SRRM2: variants seen among roughly 807,000 people sequenced by gnomAD.
SRRM2 encodes serine/arginine repetitive matrix protein 2.
SRRM2 carries 30 observed loss-of-function variants against 213.8 expected under a neutral mutation model. The ratio of observed to expected loss-of-function variants is 0.14; its 90% CI spans 0.10 to 0.19. The LOEUF is 0.19. Ranked by LOEUF, SRRM2 falls within the 10% of genes least tolerant of loss-of-function variation. SRRM2 has a pLI of 1.00. For missense variants in SRRM2, 4,904 were observed against 3,647.0 expected, an observed-to-expected ratio of 1.34 and a Z score of -8.88; for synonymous variants, 2,025 against 1,377.7, an observed-to-expected ratio of 1.47 and a Z score of -10.40.
Position 2,766,391 on chromosome 16 carries a change from C to T in SRRM2, c.5863C>T (p.Arg1955Cys), listed in dbSNP as rs975871788. Residue 1955 changes from arginine (R) to cysteine (C), a missense_variant, in exon 11 of 15, where the codon CGC (arginine) becomes TGC (cysteine). Physicochemically the swap from Arg to Cys is radical, Grantham distance 180. Coordinates refer to ENST00000301740, the MANE Select transcript of SRRM2 (RefSeq NM_016333.4). This position sits in a 1 kb window ranked among gnomAD's most constrained non-coding sequence, Gnocchi z 7.0. ...CCGTTCTAGAACTCCACCAGTGACT[C>T]GCAGAAGGTCCAGATCCAGGACTCC... ...RSRSRTPPVT[R>C]RRSRSRTPPV... 10 of 1,614,000 alleles carry T rather than the reference C, an allele frequency of 6.2e-6. No homozygotes were observed. In the Admixed American group the frequency reaches 6.7e-5, roughly 11 times the overall value.
At chr16:2,759,960 C>G in intron 9 of SRRM2, 1 of 532,952 alleles carries the variant, frequency 1.9e-6, no homozygotes, top group Non-Finnish European at 3.3e-6. Context: ...GAATCCTTAC[C>G]CTGGCTTCCT....
chr16:2,762,144 G>A lies in SRRM2; in HGVS notation c.1616G>A (p.Arg539Gln), dbSNP rs760362079. The change falls in exon 11 of 15, where the codon CGA (arginine) becomes CAA (glutamine). Residue 539 changes from arginine to glutamine, a missense_variant. Physicochemically the swap from Arg to Gln is conservative, Grantham distance 43. Transcript: ENST00000301740. Reference sequence around the variant, plus strand: ...CGTGGCCGCTCTAGGTCTCCTCAGCGACCAGGCTGGTCTAGGAGCAGAAAT... The same window carrying A: ...CGTGGCCGCTCTAGGTCTCCTCAGCAACCAGGCTGGTCTAGGAGCAGAAAT... ...QRRGRSRSPQ[R>Q]PGWSRSRNTQ... The A allele has an allele frequency of 2.5e-6, 4 of 1,613,552 alleles. No homozygotes were observed. The highest frequency in any genetic ancestry group is 2.5e-6 in the Non-Finnish European group (3 of 1,179,918).
chr16:2,769,186 C>A lies in SRRM2; in HGVS notation c.7923C>A (p.Ser2641=), dbSNP rs1186870486. The A allele has an allele frequency of 6.2e-7, 1 of 1,610,742 alleles. No homozygotes were observed. Among genetic ancestry groups the A allele is most frequent in the Non-Finnish European group, 8.5e-7 (1 of 1,178,208 alleles). ...SSSSSSSSSS[S]SSSSSSSPSP... ...CTTCTTCTTCTTCCTCCTCATCTTC[C>A]TCCTCCTCGTCGTCTTCCTCCCCTT... Residue 2641 remains serine (S), a synonymous_variant, in exon 12 of 15, where the codon TCC becomes TCA. Coordinates refer to ENST00000301740, the MANE Select transcript of SRRM2 (RefSeq NM_016333.4).
intron 12 of SRRM2, chr16:2,769,793 C>T (rs777985949): frequency 2.1e-6 from 1 of 466,954 alleles, no homozygotes; most frequent in South Asian, 1.5e-5. Context: ...GTGTGAGGCT[C>T]TTCACCAACG....
chr16:2,763,343 A>G lies in SRRM2; in HGVS notation c.2815A>G (p.Ser939Gly). ...TTCTGGCTCCTCTTCTCCAAGTCCT[A>G]GTAGGGTGACGTCGAGAACAACTCC... ...SHSGSSSPSP[S>G]RVTSRTTPRR... Residue 939 changes from serine to glycine, a missense_variant, in exon 11 of 15, where the codon AGT becomes GGT. Transcript: ENST00000301740. 1 of 1,614,182 alleles carries G rather than the reference A, an allele frequency of 6.2e-7. No homozygotes were observed. Among genetic ancestry groups the G allele is most frequent in the Middle Eastern group, 1.6e-4 (1 of 6,062 alleles).
chr16:2,752,879 G>T (rs2060014951), intron 1 of SRRM2, 33 bp downstream of exon 1: 1 of 200,816 alleles, frequency 5.0e-6, no homozygotes, highest in Non-Finnish European at 1.0e-5. Context: ...GAGCCGGGTG[G>T]GGGAGGGGCG....
rs1310500028 is a variant in SRRM2, at chr16:2,763,784, C to T, written c.3256C>T (p.Leu1086=). The change falls in exon 11 of 15, where the codon CTG becomes TTG. Residue 1086 remains leucine (L), a synonymous_variant. Transcript: ENST00000301740. ...ACAGAGTCATTCAGAATCACCATCT[C>T]TGCAGAGCAAATCTCAAACATCACC... ...VRQSHSESPS[L]QSKSQTSPKG... is the part of the protein sequence containing the mutation. The T allele has an allele frequency of 5.0e-6, 8 of 1,614,096 alleles. No individual in the cohort carries two copies. In the Admixed American group the frequency reaches 8.3e-5, roughly 17 times the overall value.
At position 2,756,462 on chromosome 16, in the gene SRRM2, G is replaced by T. The variant is rs779316968; in HGVS notation, c.98G>T (p.Arg33Leu). 1 of 1,613,516 alleles carries T rather than the reference G, an allele frequency of 6.2e-7. No individual in the cohort carries two copies. The highest frequency in any genetic ancestry group is 1.1e-5 in the South Asian group (1 of 91,072). Residue 33 changes from arginine (R) to leucine (L), a missense_variant, in exon 2 of 15, where the codon CGG (arginine) becomes CTG (leucine). Arg to Leu is a moderately radical substitution (Grantham distance 102, BLOSUM62 -2). Coordinates refer to ENST00000301740, the MANE Select transcript of SRRM2 (RefSeq NM_016333.4). ...LSLVRGRRGE[R>L]PDYKGEEELR... ...CTGGTGCGGGGCCGCCGGGGTGAGC[G>T]GCCTGACTACAAGGGAGAGGAGGAA...
Position 2,762,957 on chromosome 16 carries a change from C to A in SRRM2, c.2429C>A (p.Thr810Lys), listed in dbSNP as rs140913607. The A allele has an allele frequency of 6.2e-7, 1 of 1,610,098 alleles. No individual in the cohort carries two copies. The highest frequency in any genetic ancestry group is 8.5e-7 in the Non-Finnish European group (1 of 1,176,646). The change falls in exon 11 of 15, where the codon ACG (threonine) becomes AAG (lysine). Residue 810 changes from threonine (T) to lysine (K), a missense_variant. Transcript: ENST00000301740. Reference protein sequence around the residue: ...GSSQPKAKSRTPPRRSRSSSS... With the variant: ...GSSQPKAKSRKPPRRSRSSSS... ...TCCCAACCTAAAGCTAAATCTAGAA[C>A]GCCACCCAGACGCAGTCGCTCCAGT...
At position 2,765,014 on chromosome 16, in the gene SRRM2, A is replaced by C. The variant is rs765040830; in HGVS notation, c.4486A>C (p.Arg1496=). ...PKALPQTPRP[R]SRSPSSPELN... ...AGCTTTGCCTCAGACTCCTAGGCCG[A>C]GGAGTCGTTCTCCATCATCCCCAGA... The change falls in exon 11 of 15, where the codon AGG becomes CGG. Residue 1496 remains arginine (R), a synonymous_variant. Transcript: ENST00000301740. 6.2e-7 allele frequency: 1 copy of C among 1,614,042 alleles called. No individual in the cohort carries two copies. Among genetic ancestry groups the C allele is most frequent in the South Asian group, 1.1e-5 (1 of 91,088 alleles).
At position 2,767,258 on chromosome 16, in the gene SRRM2, A is replaced by G; in HGVS notation, c.6730A>G (p.Ser2244Gly). The G allele has an allele frequency of 6.2e-7, 1 of 1,614,118 alleles. No individual in the cohort carries two copies. Among genetic ancestry groups the G allele is most frequent in the Non-Finnish European group, 8.5e-7 (1 of 1,180,042 alleles). Residue 2244 changes from serine to glycine, a missense_variant, in exon 11 of 15, where the codon AGC (serine) becomes GGC (glycine). Transcript: ENST00000301740. The part of the protein sequence containing the change: ...AASAAAMNLA[S>G]ARTPAIPTAV... ...CTCTGCGGCAGCCATGAACCTAGCC[A>G]GCGCCAGGACACCTGCCATTCCAAC...
rs748777934 is a variant in SRRM2 at position 2,762,863 on chromosome 16, C to G, written c.2335C>G (p.Leu779Val). 3 of 1,614,212 alleles carry G rather than the reference C, an allele frequency of 1.9e-6. No individual in the cohort carries two copies. Among genetic ancestry groups the G allele is most frequent in the East Asian group, 2.2e-5 (1 of 44,890 alleles). ...ATCTCGCTTGTCTTTGAGGCGCAGC[C>G]TTTCAGGGTCTTCCCCATGCCCTAA... ...AKSRLSLRRS[L>V]SGSSPCPKQK... The change falls in exon 11 of 15, where the codon CTT becomes GTT. Residue 779 changes from leucine to valine, a missense_variant. Transcript: ENST00000301740.
intron 1 of SRRM2, 35 bp from the exon 2 acceptor site, chr16:2,756,299 A>AG: frequency 6.8e-7 from 1 of 1,480,414 alleles, no homozygotes; most frequent in Non-Finnish European, 8.9e-7. Context: ...GTTTGGGGCC[A>AG]GGGGCCTGAC....
Position 2,756,328 on chromosome 16 carries a change from C to G in SRRM2, c.-31-6C>G. On this transcript the variant is annotated splice_polypyrimidine_tract_variant and splice_region_variant and intron_variant, in intron 1 of 14. Coordinates refer to ENST00000301740, the MANE Select transcript of SRRM2 (RefSeq NM_016333.4). ...GCCTGACCCGTGTCTCCCCGCTCCC[C>G]CTCAGGAGCGGTGGTGCCCCCCCCG... 2 of 1,561,410 alleles carry G rather than the reference C, an allele frequency of 1.3e-6. No homozygotes were observed. Among genetic ancestry groups the G allele is most frequent in the Non-Finnish European group, 1.7e-6 (2 of 1,158,940 alleles).
At chr16:2,770,214 G>A in intron 12 of SRRM2, 138 bp from the exon 13 acceptor site, 5 of 1,451,936 alleles carry the variant, frequency 3.4e-6, no homozygotes, top group Non-Finnish European at 4.5e-6. Context: ...GGATGGGTGA[G>A]TGAGCGGACA....
chr16:2,760,084 G>A (rs1260203976), intron 9 of SRRM2: 3 of 602,234 alleles, frequency 5.0e-6, no homozygotes, highest in Non-Finnish European at 8.8e-6. Flanking sequence ...TGAGTAAAGG[G>A]GTAGAGGGAG....
chr16:2,762,108 G>C lies in SRRM2; in HGVS notation c.1580G>C (p.Ser527Thr). 6.2e-7 allele frequency: 1 copy of C among 1,614,178 alleles called. No homozygotes were observed. Among genetic ancestry groups the C allele is most frequent in the Non-Finnish European group, 8.5e-7 (1 of 1,180,020 alleles). Residue 527 changes from serine to threonine, a missense_variant, in exon 11 of 15, where the codon AGC (serine) becomes ACC (threonine). Ser to Thr is a moderately conservative substitution (Grantham distance 58). Coordinates refer to ENST00000301740, the MANE Select transcript of SRRM2 (RefSeq NM_016333.4). ...GCACAGAGGTGGGGAAGATCTAGAA[G>C]CCCCCAGCGACGTGGCCGCTCTAGG... ...RSAQRWGRSRSPQRRGRSRSP... is the reference protein window; with the variant it reads ...RSAQRWGRSRTPQRRGRSRSP...
Position 2,770,690 on chromosome 16 carries a change from C to T in SRRM2, c.8222C>T (p.Pro2741Leu), listed in dbSNP as rs1356011423. 2 of 1,557,434 alleles carry T rather than the reference C, an allele frequency of 1.3e-6. No individual in the cohort carries two copies. Among genetic ancestry groups the T allele is most frequent in the African/African-American group, 1.4e-5 (1 of 73,534 alleles). The change falls in exon 14 of 15, where the codon CCT (proline) becomes CTT (leucine). Residue 2741 changes from proline (P) to leucine (L), a missense_variant. By Grantham distance (98) the Pro-to-Leu change is moderately conservative (BLOSUM62 -3). Coordinates refer to ENST00000301740, the MANE Select transcript of SRRM2 (RefSeq NM_016333.4). ...SHKRRRETPS[P>L]RPMRHRSSRS... Reference sequence around the variant, plus strand: ...AAGCGCAGGAGGGAGACACCTAGCCCTCGGCCCATGAGACACCGCTCCTCC... The same window carrying T: ...AAGCGCAGGAGGGAGACACCTAGCCTTCGGCCCATGAGACACCGCTCCTCC...
chr16:2,755,840 C>G (rs1249701708), intron 1 of SRRM2, among the ~76,000 whole-genome samples: 1 of 152,188 alleles, frequency 6.6e-6, no homozygotes, highest in East Asian at 1.9e-4. Flanking sequence ...TTGGGAGAGT[C>G]TTTGGACATG....
Sources: allele counts gnomAD v4.1 joint callset (sites outside exome capture counted in the v4.1 genomes callset), GRCh38; gene constraint gnomAD v4.1.1; non-coding constraint Gnocchi (gnomAD v3.1); transcripts MANE v1.5; gene names NCBI Gene and HGNC (gene_info 2026-07-23, HGNC 2026-07-21).